The following CRHR2 variants were observed in gnomAD, a reference collection of about 807,000 sequenced individuals.
The protein encoded by CRHR2 is corticotropin releasing hormone receptor 2, also known as corticotropin-releasing hormone receptor 2.
CRHR2 carries 53 observed loss-of-function variants against 57.9 expected under a neutral mutation model. That is an observed-to-expected ratio of 0.92 (90% CI 0.73 to 1.15). The LOEUF (loss-of-function observed/expected upper bound fraction) is 1.15. Ranked by LOEUF, CRHR2 falls within the 50% of genes most tolerant of loss-of-function variation. CRHR2 has a pLI of 0.00. For missense variants in CRHR2, 532 were observed against 542.6 expected (o/e 0.98, Z 0.19); for synonymous variants, 213 against 220.9 (o/e 0.96, Z 0.32).
chr7:30,691,803 G>A (rs138721287), intron 1 of CRHR2, among the ~76,000 whole-genome samples: 72 of 152,312 alleles, frequency 4.7e-4, no homozygotes, highest in African/African-American at 1.6e-3. Flanking sequence ...GTCCGAAGTC[G>A]TAATCTACCA....
At chr7:30,698,941 C>T (rs255114) in intron 1 of CRHR2, among the ~76,000 whole-genome samples, 91,267 of 152,042 alleles carry the variant, frequency 0.6, 27,877 homozygotes, top group Middle Eastern at 0.69. Context: ...AAGCAGGGAT[C>T]TGGATTGGTT....
intron 9 of CRHR2, 32 bp from the exon 10 acceptor site, chr7:30,655,747 C>A: frequency 6.2e-7 from 1 of 1,606,864 alleles, no homozygotes; most frequent in South Asian, 1.1e-5. Context: ...AGGTCTGAGC[C>A]CATGCGGCAG....
intron 2 of CRHR2, among the ~76,000 whole-genome samples, chr7:30,667,732 C>T (rs946586949): frequency 4.6e-5 from 7 of 152,172 alleles, no homozygotes. Flanking sequence ...TAATAGCTAC[C>T]ATTTATATAG....
At chr7:30,697,504 G>A (rs187996392) in intron 1 of CRHR2, among the ~76,000 whole-genome samples, 51 of 152,224 alleles carry the variant, frequency 3.4e-4, no homozygotes, top group African/African-American at 1.2e-3. Context: ...ACCTGCCTCC[G>A]GACCAGCTTC....
Position 30,653,663 on chromosome 7 carries a change from CCCT to C in CRHR2, c.1096-66_1096-64del. On this transcript the variant is annotated intron_variant, in intron 11 of 11. Transcript: ENST00000471646. The surrounding 1 kb of genome is among the most constrained non-coding windows in gnomAD (Gnocchi z 5.0). Reference sequence around the variant, plus strand: ...CCAACCCTGGGCTTCTGGGACCATCCCCTCCTCTGCTTTCTGCTCTCATGGGTC... The same window carrying C: ...CCAACCCTGGGCTTCTGGGACCATCCCCTCTGCTTTCTGCTCTCATGGGTC... 4 of 1,519,724 alleles carry C rather than the reference CCCT, an allele frequency of 2.6e-6. 1 individual carries two copies. The highest frequency in any genetic ancestry group is 1.8e-6 in the Non-Finnish European group (2 of 1,140,908). 94.1% of individuals were successfully genotyped at this position (1,519,724 alleles called of 1,614,324 possible).
At chr7:30,698,327 C>T (rs975485818) in intron 1 of CRHR2, 8 of 152,256 alleles carry the variant, frequency 5.3e-5, no homozygotes, top group African/African-American at 1.9e-4. Context: ...CAGTGTTGCC[C>T]TGAGAATCCT....
At position 30,658,990 on chromosome 7, in the gene CRHR2, G is replaced by C. The variant is rs566443429; in HGVS notation, c.831+1583C>G. On this transcript the variant is annotated intron_variant, in intron 8 of 11. Transcript: ENST00000471646. Reference sequence around the variant, plus strand: ...GCAGGAGACCTGCCTTTGAGCCTCTGCTCTGCTAGCTATTAGTGGTGACCT... The same window carrying C: ...GCAGGAGACCTGCCTTTGAGCCTCTCCTCTGCTAGCTATTAGTGGTGACCT... 2.6e-5 allele frequency among the ~76,000 whole-genome samples: 4 copies of C among 152,376 alleles called. No homozygotes were observed. In the East Asian group the frequency reaches 7.7e-4, roughly 29 times the overall value.
rs538567240 is a variant in CRHR2, at chr7:30,654,593, C to G, written c.1095+446G>C. 3.9e-6 allele frequency: 5 copies of G among 1,290,872 alleles called. No individual in the cohort carries two copies. In the African/African-American group the frequency reaches 7.4e-5, roughly 19 times the overall value. The allele number at this position is 1,290,872 out of a possible 1,614,324, so 80.0% of individuals were successfully genotyped here. Reference sequence around the variant, plus strand: ...ATTGGCTTGCACATGCCAAGCTTCACGGCCGCCTGACTCCCCAGAGCCTGC... The same window carrying G: ...ATTGGCTTGCACATGCCAAGCTTCAGGGCCGCCTGACTCCCCAGAGCCTGC... On this transcript the variant is annotated intron_variant, in intron 11 of 11. Coordinates refer to ENST00000471646, the MANE Select transcript of CRHR2 (RefSeq NM_001883.5).
chr7:30,660,034 G>A (rs1008867458), intron 8 of CRHR2, among the ~76,000 whole-genome samples: 1 of 152,154 alleles, frequency 6.6e-6, no homozygotes. Context: ...AGCTCATTGT[G>A]GATTAAAGAT....
intron 2 of CRHR2, among the ~76,000 whole-genome samples, chr7:30,672,879 C>T (rs1562802173): frequency 1.3e-5 from 2 of 152,216 alleles, no homozygotes; most frequent in Non-Finnish European, 2.9e-5. Context: ...GAAACTGACA[C>T]ATCTGGGGTC....
chr7:30,695,406 T>A (rs1438552123), intron 1 of CRHR2, among the ~76,000 whole-genome samples: 1 of 151,956 alleles, frequency 6.6e-6, no homozygotes, highest in Non-Finnish European at 1.5e-5. Flanking sequence ...CCCCTCCAGC[T>A]CCCCCGGGAG....
chr7:30,665,618 A>G lies in CRHR2; in HGVS notation c.337T>C (p.Tyr113His), dbSNP rs1004828171. 1.3e-6 allele frequency: 2 copies of G among 1,559,156 alleles called. No individual in the cohort carries two copies. Among genetic ancestry groups the G allele is most frequent in the South Asian group, 1.2e-5 (1 of 84,532 alleles). The change falls in exon 4 of 12, where the codon TAC becomes CAC. Residue 113 changes from tyrosine (Y) to histidine (H), a missense_variant. Transcript: ENST00000471646. The surrounding 1 kb of genome is among the most constrained non-coding windows in gnomAD (Gnocchi z 4.5). Reference sequence around the variant, plus strand: ...TAGTTGACGACAAGGGCGATGCGGTAGTGCAGGTCATACTTCCTCTGCTGG... The same window carrying G: ...TAGTTGACGACAAGGGCGATGCGGTGGTGCAGGTCATACTTCCTCTGCTGG... ...DDKQRKYDLH[Y>H]RIALVVNYLG...
At chr7:30,674,105 G>A (rs1393687945) in intron 2 of CRHR2, among the ~76,000 whole-genome samples, 2 of 152,168 alleles carry the variant, frequency 1.3e-5, no homozygotes. Context: ...TTCACTCATG[G>A]TGCCCTGCCA....
At chr7:30,685,043 C>T (rs79623141), upstream of CRHR2, among the ~76,000 whole-genome samples, 3,306 of 152,246 alleles carry the variant, frequency 0.022, 128 homozygotes, top group African/African-American at 0.076. Context: ...TTGTGTGTCC[C>T]CAAGCTGTTG....
At chr7:30,687,434 C>T (rs898449920), upstream of CRHR2, among the ~76,000 whole-genome samples, 1 of 150,512 alleles carries the variant, frequency 6.6e-6, no homozygotes, top group Admixed American at 6.6e-5. Flanking sequence ...ACTATTATCC[C>T]ATTAAAAAAA....
chr7:30,688,190 C>T (rs1339599201), intron 2 of CRHR2, among the ~76,000 whole-genome samples: 2 of 152,102 alleles, frequency 1.3e-5, no homozygotes, highest in Non-Finnish European at 2.9e-5. Flanking sequence ...AGAGGAGAGA[C>T]CATATGAAGA....
chr7:30,669,660 C>G (rs1784296389), intron 2 of CRHR2, among the ~76,000 whole-genome samples: 1 of 152,174 alleles, frequency 6.6e-6, no homozygotes, highest in Admixed American at 6.5e-5. Flanking sequence ...CAACAGCCTC[C>G]TCTCCTCTTG....
chr7:30,687,207 A>G (rs1784872298), upstream of CRHR2, among the ~76,000 whole-genome samples: 1 of 152,122 alleles, frequency 6.6e-6, no homozygotes. Flanking sequence ...GAAGGTCATT[A>G]TCAATTTGGG....
At chr7:30,682,496 T>TGCGG, upstream of CRHR2, 1 of 1,298,878 alleles carries the variant, frequency 7.7e-7, no homozygotes, top group East Asian at 3.3e-5. Flanking sequence ...TGCACGGAGC[T>TGCGG]GCGGGTACAG....
Sources: allele counts gnomAD v4.1 joint callset (sites outside exome capture counted in the v4.1 genomes callset), GRCh38; gene constraint gnomAD v4.1.1; non-coding constraint Gnocchi (gnomAD v3.1); transcripts MANE v1.5; gene names NCBI Gene and HGNC (gene_info 2026-07-23, HGNC 2026-07-21).